The following PTPRS variants were observed in gnomAD, a reference collection of about 807,000 sequenced individuals.
The protein encoded by PTPRS is receptor-type tyrosine-protein phosphatase S.
A neutral mutation model predicts 215.3 loss-of-function variants in PTPRS; 63 were observed. The ratio of observed to expected loss-of-function variants is 0.29; its 90% CI spans 0.24 to 0.36. The LOEUF is 0.36. Ranked by LOEUF, PTPRS falls within the 10% of genes least tolerant of loss-of-function variation. The pLI is 1.00. For missense variants in PTPRS, 2,258 were observed against 2,825.8 expected (o/e 0.80, Z 4.56); for synonymous variants, 1,404 against 1,191.4 (o/e 1.18, Z -3.68).
chr19:5,260,885 C>G (rs2045942264), intron 6 of PTPRS, 63 bp from the exon 7 acceptor site: 13 of 1,586,020 alleles, frequency 8.2e-6, no homozygotes, highest in Non-Finnish European at 1.0e-5. Context: ...GGCCGGGGGG[C>G]CCCAGGGAAG....
chr19:5,213,351 G>A (rs916456797), intron 30 of PTPRS, among the ~76,000 whole-genome samples: 13 of 69,358 alleles, frequency 1.9e-4, no homozygotes, highest in African/African-American at 5.2e-4. Flanking sequence ...AGGCCCACAG[G>A]ATCCTGCATG....
At chr19:5,223,705 G>A (rs2042221718) in intron 17 of PTPRS, among the ~76,000 whole-genome samples, 1 of 151,060 alleles carries the variant, frequency 6.6e-6, no homozygotes, top group African/African-American at 2.5e-5. Context: ...TGGGATTACA[G>A]GTACACACCA....
At position 5,244,463 on chromosome 19, in the gene PTPRS, C is replaced by T. The variant is rs61729779; in HGVS notation, c.1008G>A (p.Gly336=). ...CTGTGTTCTCAGTCACCATGGGAGT[C>T]CCGGGAGCTTTGGGGAGAGCTGTGG... is the stretch of plus-strand genomic sequence containing the variant. ...ITVKSLPKAP[G]TPMVTENTAT... The change falls in exon 11 of 38, where the codon GGG becomes GGA. Residue 336 remains glycine, a synonymous_variant. Coordinates refer to ENST00000262963, the MANE Select transcript of PTPRS (RefSeq NM_002850.4). This position sits in a 1 kb window ranked among gnomAD's most constrained non-coding sequence, Gnocchi z 7.2. The T allele has an allele frequency of 3.1e-6, 5 of 1,613,648 alleles. No homozygotes were observed. In the Admixed American group the frequency reaches 5.0e-5, roughly 16 times the overall value.
chr19:5,325,042 G>T (rs181647295), intron 1 of PTPRS, among the ~76,000 whole-genome samples: 1 of 152,224 alleles, frequency 6.6e-6, no homozygotes, highest in Non-Finnish European at 1.5e-5. Flanking sequence ...AAGGGAAGCT[G>T]CCAGGTTGGC....
intron 9 of PTPRS, among the ~76,000 whole-genome samples, chr19:5,251,994 A>G (rs2045137087): frequency 3.2e-5 from 1 of 30,798 alleles, no homozygotes; most frequent in South Asian, 6.1e-4. Flanking sequence ...AGGTAAGGGG[A>G]ACACCTGGGG....
chr19:5,314,956 C>G (rs980460082), intron 1 of PTPRS, among the ~76,000 whole-genome samples: 24 of 152,202 alleles, frequency 1.6e-4, no homozygotes, highest in African/African-American at 5.5e-4. Flanking sequence ...CAGTTCCCAC[C>G]AACTGAATAT....
intron 18 of PTPRS, 47 bp downstream of exon 18, chr19:5,222,642 G>GGGGGGGGGGGGGGC: frequency 7.3e-7 from 1 of 1,369,350 alleles, no homozygotes; most frequent in Non-Finnish European, 9.7e-7. Flanking sequence ...GTGGGGGTGG[G>GGGGGGGGGGGGGGC]CGCAAGGCCC....
chr19:5,309,132 G>A (rs1053215993), intron 1 of PTPRS, among the ~76,000 whole-genome samples: 2 of 152,158 alleles, frequency 1.3e-5, no homozygotes, highest in Non-Finnish European at 1.5e-5. Context: ...TGGCAGCTCC[G>A]GGGGTGGAGA....
At chr19:5,283,952 CG>C (rs2048100885) in intron 2 of PTPRS, among the ~76,000 whole-genome samples, 10 of 152,136 alleles carry the variant, frequency 6.6e-5, no homozygotes, top group Admixed American at 6.6e-4. Context: ...CTGGGACTCA[CG>C]CCTGTAATCC....
intron 9 of PTPRS, among the ~76,000 whole-genome samples, chr19:5,247,678 CCTCAGGGGGTGGT>C (rs2044622558): frequency 6.6e-6 from 1 of 151,902 alleles, no homozygotes; most frequent in East Asian, 1.9e-4. Context: ...GGAGGTGCAG[CCTCAGGGGGTGGT>C]CTCAGGGGGT....
chr19:5,245,243 G>A (rs1295268335), intron 10 of PTPRS, among the ~76,000 whole-genome samples: 1 of 151,860 alleles, frequency 6.6e-6, no homozygotes, highest in African/African-American at 2.4e-5. Context: ...GCCCGCCTAG[G>A]CCTCCCAAAG....
intron 14 of PTPRS, among the ~76,000 whole-genome samples, chr19:5,230,573 T>G (rs1329837302): frequency 6.6e-6 from 1 of 152,196 alleles, no homozygotes; most frequent in Admixed American, 6.5e-5. Context: ...TCCCCGCACC[T>G]CAGCGTCTTG....
At chr19:5,208,923 A>G (rs1277712347) in intron 35 of PTPRS, among the ~76,000 whole-genome samples, 1 of 152,074 alleles carries the variant, frequency 6.6e-6, no homozygotes, top group Non-Finnish European at 1.5e-5. Flanking sequence ...TCGGGGCCCT[A>G]CAGCACAACT....
chr19:5,242,372 T>C (rs2044114807), intron 11 of PTPRS, among the ~76,000 whole-genome samples: 1 of 152,186 alleles, frequency 6.6e-6, no homozygotes, highest in South Asian at 2.1e-4. Flanking sequence ...TTGGCTAGGA[T>C]AACTGTCCAA....
intron 4 of PTPRS, among the ~76,000 whole-genome samples, chr19:5,267,423 G>A (rs1333970449): frequency 6.6e-6 from 1 of 152,120 alleles, no homozygotes; most frequent in African/African-American, 2.4e-5. Flanking sequence ...TTGGGAGGAC[G>A]AAGCAGGTGG....
In PTPRS at chr19:5,245,831, G is replaced by A. The variant is rs201711435; in HGVS notation, c.933C>T (p.Cys311=). 14 of 1,613,422 alleles carry A rather than the reference G, an allele frequency of 8.7e-6. No individual in the cohort carries two copies. Among genetic ancestry groups the A allele is most frequent in the South Asian group, 3.3e-5 (3 of 90,928 alleles). The change falls in exon 10 of 38, where the codon TGC becomes TGT. Residue 311 remains cysteine (C), a synonymous_variant. Coordinates refer to ENST00000262963, the MANE Select transcript of PTPRS (RefSeq NM_002850.4). Reference sequence around the variant, plus strand: ...TGACGCCCAGGCTGGACATGGCCACGCAGGTGTAGTTGGCCGAGTCCTTGA... The same window carrying A: ...TGACGCCCAGGCTGGACATGGCCACACAGGTGTAGTTGGCCGAGTCCTTGA... ...TDVKDSANYT[C]VAMSSLGVIE...
At chr19:5,278,071 G>A (rs1019130244) in intron 2 of PTPRS, 3 of 959,168 alleles carry the variant, frequency 3.1e-6, no homozygotes, top group African/African-American at 1.6e-5. Context: ...AACGTGGAAA[G>A]GGCCGCCCAG....
intron 11 of PTPRS, among the ~76,000 whole-genome samples, chr19:5,242,661 A>C (rs1388680487): frequency 6.6e-6 from 1 of 151,350 alleles, no homozygotes; most frequent in East Asian, 2.0e-4. Context: ...TCACAGGCAT[A>C]AGCCACCACA....
chr19:5,275,170 A>C (rs748652435), intron 2 of PTPRS, among the ~76,000 whole-genome samples: 1 of 151,366 alleles, frequency 6.6e-6, no homozygotes, highest in Non-Finnish European at 1.5e-5. Context: ...TCTCAGGTTC[A>C]AGCGATTCTC....
Sources: gnomAD v4.1 joint callset for allele counts (sites outside exome capture counted in the v4.1 genomes callset) on GRCh38, gnomAD v4.1.1 for gene constraint, Gnocchi (gnomAD v3.1) non-coding constraint, MANE v1.5 for transcripts, NCBI Gene and HGNC (gene_info 2026-07-23, HGNC 2026-07-21) for gene names.